The following FAM186B variants were observed in gnomAD, a reference collection of about 807,000 sequenced individuals.
FAM186B encodes family with sequence similarity 186 member B, also known as protein FAM186B.
Under a neutral mutation model 83.4 loss-of-function variants are expected in FAM186B, and 68 were observed. That is an observed-to-expected ratio of 0.81 (90% CI 0.67 to 1.00). The LOEUF is 1.00. Ranked by LOEUF, FAM186B falls within the 50% of genes least tolerant of loss-of-function variation. FAM186B has a pLI of 0.00. For missense variants in FAM186B, 983 were observed against 1,099.2 expected (o/e 0.89, Z 1.49); for synonymous variants, 389 against 422.0 (o/e 0.92, Z 0.96).
At chr12:49,597,983 C>T (rs1353130084) in intron 5 of FAM186B, among the ~76,000 whole-genome samples, 6 of 152,180 alleles carry the variant, frequency 3.9e-5, no homozygotes, top group Non-Finnish European at 8.8e-5. Flanking sequence ...TAGCTTGAAC[C>T]TGGGAGGTGG....
chr12:49,603,419 A>T (rs2138307458), intron 2 of FAM186B, 52 bp from the exon 3 acceptor site: 1 of 1,582,320 alleles, frequency 6.3e-7, no homozygotes, highest in East Asian at 2.2e-5. Context: ...CTCCAGGGGG[A>T]CACAGACAGC....
the FAM186B span, among the ~76,000 whole-genome samples, chr12:49,613,597 T>C: frequency 1.3e-5 from 2 of 151,370 alleles, no homozygotes; most frequent in African/African-American, 4.9e-5. Context: ...CCCAGAACTT[T>C]GGGAGGCTGA....
intron 5 of FAM186B, chr12:49,595,228 G>C (rs549200009): frequency 1.5e-6 from 1 of 646,210 alleles, no homozygotes; most frequent in African/African-American, 1.8e-5. Flanking sequence ...CACCATTGCA[G>C]GTCTGGCTGG....
chr12:49,603,119 A>G, intron 3 of FAM186B, 66 bp downstream of exon 3: 1 of 1,561,458 alleles, frequency 6.4e-7, no homozygotes, highest in Non-Finnish European at 8.8e-7. Context: ...CCAGCCTCTG[A>G]CTTCCCCTGC....
chr12:49,611,984 G>A, the FAM186B span, among the ~76,000 whole-genome samples: 1 of 151,894 alleles, frequency 6.6e-6, no homozygotes, highest in African/African-American at 2.4e-5. Flanking sequence ...ATCCTTAAGG[G>A]AGTTCTAAAC....
Position 49,603,271 on chromosome 12 carries a change from A to G in FAM186B, c.419T>C (p.Leu140Pro), listed in dbSNP as rs1939936622. 1 of 1,614,212 alleles carries G rather than the reference A, an allele frequency of 6.2e-7. No individual in the cohort carries two copies. Among genetic ancestry groups the G allele is most frequent in the Non-Finnish European group, 8.5e-7 (1 of 1,180,042 alleles). The change falls in exon 3 of 7, where the codon CTG (leucine) becomes CCG (proline). Residue 140 changes from leucine (L) to proline (P), a missense_variant. Transcript: ENST00000257894. ...GCCTCTTTTGGTGGCAATGAGGGAC[A>G]GCGGTAACACTTTCTCCGTCACTTC... ...WIEVTEKVLP[L>P]SLIATKRGIE... is the part of the protein sequence containing the mutation.
intron 5 of FAM186B, among the ~76,000 whole-genome samples, chr12:49,594,472 T>A (rs1052033781): frequency 1.2e-4 from 19 of 152,252 alleles, no homozygotes; most frequent in Admixed American, 1.2e-3. Context: ...TAAAGTTTAA[T>A]TTTTAAATTA....
In FAM186B at chr12:49,587,514, G is replaced by A; in HGVS notation, c.*91C>T. 1 of 1,535,562 alleles carries A rather than the reference G, an allele frequency of 6.5e-7. No homozygotes were observed. Among genetic ancestry groups the A allele is most frequent in the Admixed American group, 1.7e-5 (1 of 59,724 alleles). On this transcript the variant is annotated 3_prime_UTR_variant, in exon 7 of 7. Coordinates refer to ENST00000257894, the MANE Select transcript of FAM186B (RefSeq NM_032130.3). Reference sequence around the variant, plus strand: ...GCAAATGAGGTCATTGTTAAAGCCTGGAGAGAGATTTATTGGGGAGAATCC... The same window carrying A: ...GCAAATGAGGTCATTGTTAAAGCCTAGAGAGAGATTTATTGGGGAGAATCC...
chr12:49,605,349 A>G (rs1162736705), intron 1 of FAM186B, 33 bp downstream of exon 1: 1 of 1,598,100 alleles, frequency 6.3e-7, no homozygotes, highest in South Asian at 1.1e-5. Flanking sequence ...TCAGATCCCA[A>G]TGTAAGAGTG....
chr12:49,609,693 T>C (rs1940064393), upstream of FAM186B, among the ~76,000 whole-genome samples: 1 of 152,198 alleles, frequency 6.6e-6, no homozygotes, highest in South Asian at 2.1e-4. Context: ...TCCTTGTGCA[T>C]AGAACTTGGG....
intron 3 of FAM186B, 139 bp from the exon 4 acceptor site, chr12:49,601,273 G>A (rs1939889071): frequency 7.6e-6 from 9 of 1,189,436 alleles, no homozygotes; most frequent in Non-Finnish European, 1.0e-5. Context: ...TGTATATGGG[G>A]CCAGGGACAG....
At chr12:49,586,929 G>A (rs1465320068), downstream of FAM186B, among the ~76,000 whole-genome samples, 1 of 152,144 alleles carries the variant, frequency 6.6e-6, no homozygotes, top group Admixed American at 6.5e-5. Flanking sequence ...CTCTGGTTAG[G>A]TCTAGACTGG....
At position 49,605,448 on chromosome 12, in the gene FAM186B, C is replaced by T. The variant is rs1240093636; in HGVS notation, c.30G>A (p.Val10=). The T allele has an allele frequency of 1.2e-6, 2 of 1,613,754 alleles. No individual in the cohort carries two copies. Among genetic ancestry groups the T allele is most frequent in the African/African-American group, 2.7e-5 (2 of 74,930 alleles). MEKDDPPQL[V]TPTSVKAIIL... ...TGATGGCTTTCACTGATGTGGGAGT[C>T]ACCAACTGTGGGGGGTCATCCTTCT... The change falls in exon 1 of 7, where the codon GTG becomes GTA. Residue 10 remains valine (V), a synonymous_variant. Transcript: ENST00000257894.
intron 5 of FAM186B, among the ~76,000 whole-genome samples, chr12:49,592,091 C>T (rs971995774): frequency 1.3e-5 from 2 of 151,960 alleles, no homozygotes; most frequent in Non-Finnish European, 2.9e-5. Flanking sequence ...GGACAAAGGC[C>T]GGGAGGGAAG....
chr12:49,601,763 G>T (rs148263678), intron 3 of FAM186B, among the ~76,000 whole-genome samples: 2 of 152,136 alleles, frequency 1.3e-5, no homozygotes, highest in African/African-American at 2.4e-5. Flanking sequence ...ATTTTTCAAA[G>T]GCTGGGTCAC....
At chr12:49,608,756 G>A (rs1314587265), upstream of FAM186B, among the ~76,000 whole-genome samples, 1 of 151,768 alleles carries the variant, frequency 6.6e-6, no homozygotes. Context: ...AGGCAGACAG[G>A]CTCTTTCCAT....
At chr12:49,616,458 C>A in the FAM186B span, among the ~76,000 whole-genome samples, 1 of 152,028 alleles carries the variant, frequency 6.6e-6, no homozygotes, top group African/African-American at 2.4e-5. Flanking sequence ...CTGAAAAAAA[C>A]CCAAACACAA....
At chr12:49,597,993 G>A (rs368719562) in intron 5 of FAM186B, among the ~76,000 whole-genome samples, 44 of 152,312 alleles carry the variant, frequency 2.9e-4, no homozygotes, top group African/African-American at 1.1e-3. Flanking sequence ...CTGGGAGGTG[G>A]AGGTTGTAGT....
At chr12:49,618,162 C>T in the FAM186B span, among the ~76,000 whole-genome samples, 185 of 152,122 alleles carry the variant, frequency 1.2e-3, 2 homozygotes, top group African/African-American at 3.9e-3. Flanking sequence ...CTGACCAACA[C>T]GGTGAAACCC....
Sources: gnomAD v4.1 joint callset for allele counts (sites outside exome capture counted in the v4.1 genomes callset) on GRCh38, gnomAD v4.1.1 for gene constraint, MANE v1.5 for transcripts, NCBI Gene and HGNC (gene_info 2026-07-23, HGNC 2026-07-21) for gene names.